The following GOLIM4 variants were observed in gnomAD, a reference collection of about 807,000 sequenced individuals.
GOLIM4 encodes the protein 130 kDa golgi-localized phosphoprotein.
GOLIM4 carries 71 observed loss-of-function variants against 107.4 expected under a neutral mutation model. The observed-to-expected ratio is 0.66, with a 90% CI of 0.55 to 0.81. The LOEUF is 0.81. Ranked by LOEUF, GOLIM4 falls within the 30% of genes least tolerant of loss-of-function variation. The pLI, the probability that GOLIM4 is intolerant of heterozygous loss-of-function variation, is 0.00. For synonymous variants in GOLIM4, 327 were observed against 294.8 expected, an observed-to-expected ratio of 1.11 and a Z score of -1.12; for missense variants, 830 against 826.1, an observed-to-expected ratio of 1.00 and a Z score of -0.06.
chr3:168,023,413 A>G (rs193264303), intron 14 of GOLIM4, among the ~76,000 whole-genome samples: 7 of 152,378 alleles, frequency 4.6e-5, no homozygotes, highest in African/African-American at 9.6e-5. Flanking sequence ...GTGACCTTAA[A>G]GAGCAACATC....
chr3:168,077,485 C>A (rs544080159), intron 1 of GOLIM4, among the ~76,000 whole-genome samples: 3 of 152,232 alleles, frequency 2.0e-5, no homozygotes, highest in Admixed American at 2.0e-4. Context: ...GTGTCCAGGC[C>A]CAGGCAAATC....
chr3:168,089,196 T>C (rs1374331452), intron 1 of GOLIM4, among the ~76,000 whole-genome samples: 1 of 152,232 alleles, frequency 6.6e-6, no homozygotes, highest in Non-Finnish European at 1.5e-5. Flanking sequence ...TTTTGTTCCA[T>C]ATTCTAAATG....
In GOLIM4 at chr3:168,041,304, C is replaced by G. The variant is rs969305644; in HGVS notation, c.600+88G>C. 3 of 751,436 alleles carry G rather than the reference C, an allele frequency of 4.0e-6. No individual in the cohort carries two copies. In the Admixed American group the frequency reaches 6.2e-5, roughly 16 times the overall value. The allele number at this position is 751,436 out of a possible 1,614,324, so 46.5% of individuals were successfully genotyped here. On this transcript the variant is annotated intron_variant, in intron 6 of 15. Coordinates refer to ENST00000470487, the MANE Select transcript of GOLIM4 (RefSeq NM_014498.5). ...ACAATAACAACGTGGATTTGTAAAGCAGGCCAATTAGGGAATGACTTTTTA... is the reference window on the plus strand; with the variant it reads ...ACAATAACAACGTGGATTTGTAAAGGAGGCCAATTAGGGAATGACTTTTTA...
intron 1 of GOLIM4, among the ~76,000 whole-genome samples, chr3:168,086,146 TA>T (rs1189906518): frequency 6.6e-6 from 1 of 152,114 alleles, no homozygotes; most frequent in African/African-American, 2.4e-5. Flanking sequence ...AAATAAAATA[TA>T]AAATAATTTA....
At chr3:168,038,284 G>A (rs1411499348) in intron 7 of GOLIM4, among the ~76,000 whole-genome samples, 1 of 152,148 alleles carries the variant, frequency 6.6e-6, no homozygotes, top group Non-Finnish European at 1.5e-5. Context: ...TAAATATGGA[G>A]CAATACACAA....
chr3:168,060,183 C>T (rs539033712), intron 1 of GOLIM4, among the ~76,000 whole-genome samples: 2 of 152,120 alleles, frequency 1.3e-5, no homozygotes, highest in South Asian at 4.2e-4. Flanking sequence ...CTCAGCCTCC[C>T]AAGTAGGTGG....
chr3:168,018,521 A>T (rs1174254370), intron 14 of GOLIM4, among the ~76,000 whole-genome samples: 1 of 152,166 alleles, frequency 6.6e-6, no homozygotes, highest in Non-Finnish European at 1.5e-5. Context: ...GGCATCGAAT[A>T]TCTATTGTAT....
Position 168,095,242 on chromosome 3 carries a change from T to C in GOLIM4, c.44A>G (p.Gln15Arg), listed in dbSNP as rs1243579565. 2.5e-6 allele frequency: 4 copies of C among 1,613,462 alleles called. No homozygotes were observed. Among genetic ancestry groups the C allele is most frequent in the African/African-American group, 2.7e-5 (2 of 74,940 alleles). ...MCSRKQKRIF[Q>R]TLLLLTVVFG... Reference sequence around the variant, plus strand: ...CACGACGGTCAGCAGCAGCAGCGTCTGGAAAATCCGCTTCTGCTTTCGGGA... The same window carrying C: ...CACGACGGTCAGCAGCAGCAGCGTCCGGAAAATCCGCTTCTGCTTTCGGGA... Residue 15 changes from glutamine (Q) to arginine (R), a missense_variant, in exon 1 of 16, where the codon CAG becomes CGG. Gln to Arg is a conservative substitution (Grantham distance 43). Coordinates refer to ENST00000470487, the MANE Select transcript of GOLIM4 (RefSeq NM_014498.5).
rs938662568 is a variant in GOLIM4 at position 168,068,846 on chromosome 3, T to A, written c.188-20481A>T. Among the ~76,000 whole-genome samples, 3 of 151,238 alleles carry A rather than the reference T, an allele frequency of 2.0e-5. No individual in the cohort carries two copies. The East Asian group carries it at 5.8e-4, about 29-fold the overall frequency. The stretch of plus-strand genomic sequence containing the variant: ...TATTTTATTTTATTTTATTTTTTTT[T>A]TTTTTTTGAGACAGAGTTTCACTCT... On this transcript the variant is annotated intron_variant, in intron 1 of 15. Coordinates refer to ENST00000470487, the MANE Select transcript of GOLIM4 (RefSeq NM_014498.5).
chr3:168,094,847 A>T (rs1030079743), intron 1 of GOLIM4, among the ~76,000 whole-genome samples: 10 of 152,186 alleles, frequency 6.6e-5, no homozygotes, highest in African/African-American at 2.2e-4. Flanking sequence ...CCGCCCACCA[A>T]ACGCCCAGCG....
intron 11 of GOLIM4, among the ~76,000 whole-genome samples, chr3:168,028,925 A>G (rs1205245839): frequency 6.6e-6 from 1 of 152,240 alleles, no homozygotes; most frequent in African/African-American, 2.4e-5. Flanking sequence ...GAGAAAATGC[A>G]GATGTTTCCC....
intron 1 of GOLIM4, among the ~76,000 whole-genome samples, chr3:168,062,401 CT>C (rs34407704): frequency 4.2e-3 from 578 of 138,872 alleles, no homozygotes; most frequent in African/African-American, 6.0e-3. Context: ...TGTATTGGGG[CT>C]TTTTTTTTTT....
intron 3 of GOLIM4, 135 bp from the exon 4 acceptor site, chr3:168,045,016 G>A: frequency 5.5e-6 from 3 of 541,428 alleles, no homozygotes; most frequent in Non-Finnish European, 9.5e-6. Flanking sequence ...TTTGAACCAA[G>A]ATGTCGCTGG....
chr3:168,048,239 G>A (rs759160309), intron 2 of GOLIM4, 52 bp downstream of exon 2: 74 of 944,834 alleles, frequency 7.8e-5, no homozygotes, highest in Non-Finnish European at 1.1e-4. Flanking sequence ...TATATGATAC[G>A]TCAAAGAAGA....
At chr3:168,080,770 G>A (rs1222389459) in intron 1 of GOLIM4, among the ~76,000 whole-genome samples, 1 of 152,064 alleles carries the variant, frequency 6.6e-6, no homozygotes, top group Non-Finnish European at 1.5e-5. Context: ...TCCCCACAAC[G>A]TTGGAAATCT....
intron 14 of GOLIM4, among the ~76,000 whole-genome samples, chr3:168,011,982 C>T (rs1375894154): frequency 1.3e-5 from 2 of 148,288 alleles, no homozygotes; most frequent in Non-Finnish European, 2.9e-5. Flanking sequence ...AAAAGCAAAG[C>T]GCCTCTCCTC....
intron 14 of GOLIM4, among the ~76,000 whole-genome samples, chr3:168,016,072 A>G (rs1478238543): frequency 1.5e-5 from 2 of 134,748 alleles, no homozygotes; most frequent in Non-Finnish European, 3.0e-5. Context: ...GCTTCTGCAC[A>G]GCAAAACAAA....
Position 168,009,374 on chromosome 3 carries a change from A to C in GOLIM4, c.*895T>G, listed in dbSNP as rs1237755191. The C allele has an allele frequency of 2.0e-5, 3 of 146,374 alleles. No individual in the cohort carries two copies. Among genetic ancestry groups the C allele is most frequent in the Non-Finnish European group, 4.5e-5 (3 of 66,878 alleles). 9.1% of individuals were successfully genotyped at this position (146,374 alleles called of 1,614,324 possible). On this transcript the variant is annotated 3_prime_UTR_variant, in exon 16 of 16. Transcript: ENST00000470487. Reference sequence around the variant, plus strand: ...GGCACAGAGCTTAAAGAGGAAATATATATTACTTATAGGGAACCAGACACT... The same window carrying C: ...GGCACAGAGCTTAAAGAGGAAATATCTATTACTTATAGGGAACCAGACACT...
intron 1 of GOLIM4, among the ~76,000 whole-genome samples, chr3:168,068,386 A>G (rs975527013): frequency 2.0e-5 from 3 of 152,128 alleles, no homozygotes; most frequent in Admixed American, 6.5e-5. Context: ...TAAAAAAAAA[A>G]TCTCTTAAAA....
Sources: gnomAD v4.1 joint callset for allele counts (sites outside exome capture counted in the v4.1 genomes callset) on GRCh38, gnomAD v4.1.1 for gene constraint, MANE v1.5 for transcripts, NCBI Gene and HGNC (gene_info 2026-07-23, HGNC 2026-07-21) for gene names.